The following TENM2 variants were observed in gnomAD, a reference collection of about 807,000 sequenced individuals.
TENM2 encodes the protein teneurin transmembrane protein 2, also known as teneurin-2.
In TENM2, 52 loss-of-function variants were observed where a neutral mutation model predicts 245.2. The ratio of observed to expected loss-of-function variants is 0.21; its 90% confidence interval spans 0.17 to 0.27. The LOEUF is 0.27. TENM2 is among the 10% of genes least tolerant of loss of function. The pLI is 1.00. For synonymous variants in TENM2, 1,363 were observed against 1,438.9 expected (o/e 0.95, Z 1.19); for missense variants, 3,046 against 3,666.8 (o/e 0.83, Z 4.37).
chr5:168,020,964 G>T (rs1349642753), intron 5 of TENM2, among the ~76,000 whole-genome samples: 2 of 152,132 alleles, frequency 1.3e-5, no homozygotes, highest in Non-Finnish European at 2.9e-5. Flanking sequence ...GGAAAAAAAA[G>T]AAAAGTTTCT....
intron 3 of TENM2, among the ~76,000 whole-genome samples, chr5:167,892,517 A>G (rs985706233): frequency 4.6e-5 from 7 of 152,160 alleles, no homozygotes; most frequent in Non-Finnish European, 7.3e-5. Flanking sequence ...ATGAGGGGAG[A>G]GCTTACACAG....
intron 3 of TENM2, among the ~76,000 whole-genome samples, chr5:167,884,883 A>G (rs1774164401): frequency 6.6e-6 from 1 of 152,182 alleles, no homozygotes. Context: ...GCAATACACA[A>G]GGGCTCCAGT....
At chr5:168,053,631 T>C (rs939468733) in intron 6 of TENM2, among the ~76,000 whole-genome samples, 1 of 152,224 alleles carries the variant, frequency 6.6e-6, no homozygotes, top group Non-Finnish European at 1.5e-5. Context: ...TTGTATTAGG[T>C]ATTATAAGTA....
Position 167,518,800 on chromosome 5 carries a change from A to G in TENM2, c.502+143327A>G, listed in dbSNP as rs571503884. Among the ~76,000 whole-genome samples, 380 of 152,246 alleles carry G rather than the reference A, an allele frequency of 2.5e-3. 1 individual carries two copies. Among genetic ancestry groups the G allele is most frequent in the African/African-American group, 8.8e-3 (364 of 41,562 alleles). The stretch of plus-strand genomic sequence containing the variant: ...TCTTCTTTGTCTCCAAAAAGGCCCA[A>G]GTGTTGAATGGTGTGCTTGATTCAG... On this transcript the variant is annotated intron_variant, in intron 2 of 28. Coordinates refer to ENST00000518659, the Ensembl canonical transcript of TENM2.
chr5:167,049,960 G>A, the TENM2 span, among the ~76,000 whole-genome samples: 6 of 152,182 alleles, frequency 3.9e-5, no homozygotes, highest in African/African-American at 9.7e-5. Context: ...AGCATGAGAT[G>A]TAGTAGGAAC....
At chr5:167,348,927 G>T (rs1234399150) in intron 1 of TENM2, among the ~76,000 whole-genome samples, 1 of 152,104 alleles carries the variant, frequency 6.6e-6, no homozygotes, top group Non-Finnish European at 1.5e-5. Flanking sequence ...AGTTGACCCC[G>T]TTGTTGTTTG....
exon 29 of TENM2, chr5:168,262,343 T>C: frequency 6.2e-7 from 1 of 1,608,934 alleles, no homozygotes. Context: ...GGACACCCAC[T>C]ACTTTGTGAA....
intron 2 of TENM2, among the ~76,000 whole-genome samples, chr5:167,789,343 C>T (rs941658976): frequency 3.3e-5 from 5 of 152,174 alleles, no homozygotes; most frequent in Non-Finnish European, 5.9e-5. Flanking sequence ...CAGAACTAGT[C>T]GTAGGTCAGT....
intron 25 of TENM2, among the ~76,000 whole-genome samples, chr5:168,240,248 C>G (rs139304602): frequency 6.6e-6 from 1 of 152,096 alleles, no homozygotes; most frequent in Non-Finnish European, 1.5e-5. Context: ...AAGACCCAAA[C>G]CCCTATTCCC....
chr5:167,666,166 C>A (rs1755561732), intron 2 of TENM2, among the ~76,000 whole-genome samples: 2 of 152,204 alleles, frequency 1.3e-5, no homozygotes, highest in Non-Finnish European at 2.9e-5. Flanking sequence ...CAACTGGAGC[C>A]TGTGCCAGCA....
chr5:167,369,685 A>T (rs2127294426), intron 1 of TENM2, among the ~76,000 whole-genome samples: 1 of 152,228 alleles, frequency 6.6e-6, no homozygotes, highest in Admixed American at 6.5e-5. Flanking sequence ...TACAACTTTT[A>T]TTTCTCTGTA....
chr5:167,622,582 A>G (rs1207739058), intron 2 of TENM2, among the ~76,000 whole-genome samples: 2 of 152,164 alleles, frequency 1.3e-5, no homozygotes, highest in Non-Finnish European at 2.9e-5. Flanking sequence ...AATATAGAGC[A>G]GAGGAAAAGA....
intron 2 of TENM2, among the ~76,000 whole-genome samples, chr5:167,534,574 G>A (rs182854751): frequency 6.6e-6 from 1 of 152,116 alleles, no homozygotes; most frequent in Non-Finnish European, 1.5e-5. Flanking sequence ...ATTTTATCTG[G>A]CAACTCGATG....
intron 2 of TENM2, among the ~76,000 whole-genome samples, chr5:167,458,466 G>T (rs983278744): frequency 4.3e-5 from 5 of 115,150 alleles, no homozygotes; most frequent in African/African-American, 1.7e-4. Flanking sequence ...CAGCCTAGGC[G>T]ACAAAGCAAG....
In TENM2 at chr5:168,176,652, T is replaced by C. The variant is rs1198805464; in HGVS notation, c.2570-13685T>C. ...AATTCCATCATGCATTCATTGTTTA[T>C]TGTCTATTTTCCCCCTCTAGAATCT... On this transcript the variant is annotated intron_variant, in intron 13 of 28. Coordinates refer to ENST00000518659, the Ensembl canonical transcript of TENM2. 9.2e-5 allele frequency among the ~76,000 whole-genome samples: 14 copies of C among 152,202 alleles called. 1 individual carries two copies. The highest frequency in any genetic ancestry group is 9.2e-4 in the Admixed American group (14 of 15,276).
At chr5:167,180,312 T>G in the TENM2 span, among the ~76,000 whole-genome samples, 1 of 152,046 alleles carries the variant, frequency 6.6e-6, no homozygotes, top group African/African-American at 2.4e-5. Flanking sequence ...TTTCTCCACG[T>G]TGGTCAGGCT....
At chr5:167,201,865 T>A in the TENM2 span, among the ~76,000 whole-genome samples, 220 of 152,326 alleles carry the variant, frequency 1.4e-3, 2 homozygotes, top group African/African-American at 4.8e-3. Flanking sequence ...CTCTCTCCAC[T>A]GTTTTTAGTC....
intron 2 of TENM2, among the ~76,000 whole-genome samples, chr5:167,515,626 T>TACGC: frequency 6.9e-6 from 1 of 145,182 alleles, no homozygotes; most frequent in African/African-American, 2.5e-5. Flanking sequence ...TATACATATA[T>TACGC]ATACATATAT....
At chr5:167,921,283 G>A (rs929716260) in intron 3 of TENM2, among the ~76,000 whole-genome samples, 2 of 152,154 alleles carry the variant, frequency 1.3e-5, no homozygotes, top group Admixed American at 1.3e-4. Flanking sequence ...CACTCGCTGT[G>A]TACAGAAAAA....
Sources: allele counts gnomAD v4.1 joint callset (sites outside exome capture counted in the v4.1 genomes callset), GRCh38; gene constraint gnomAD v4.1.1; transcripts MANE v1.5; gene names NCBI Gene and HGNC (gene_info 2026-07-23, HGNC 2026-07-21).